Variants in ZRANB3 observed in about 807,000 individuals in gnomAD.
ZRANB3 encodes the protein zinc finger RANBP2-type containing 3.
A neutral mutation model predicts 133.8 loss-of-function variants in ZRANB3; 125 were observed. The observed-to-expected ratio is 0.93, with a 90% CI of 0.81 to 1.08. The LOEUF (loss-of-function observed/expected upper bound fraction) is 1.08, where lower values mean the gene tolerates loss of function less well. Ranked by LOEUF, ZRANB3 falls within the 50% of genes least tolerant of loss-of-function variation. The pLI is 0.00. For missense variants in ZRANB3, 1,229 were observed against 1,275.5 expected, an observed-to-expected ratio of 0.96 and a Z score of 0.56; for synonymous variants, 387 against 432.7, an observed-to-expected ratio of 0.89 and a Z score of 1.31.
Position 135,198,631 on chromosome 2 carries a change from CA to C in ZRANB3, c.*1710del, listed in dbSNP as rs1280373905. ...ATTTGACCTACTTAGACCTCGCTTG[CA>C]AAACCCCATGCTGGAGGAAAGGCAG... On this transcript the variant is annotated 3_prime_UTR_variant, in exon 21 of 21. Transcript: ENST00000264159. 4 of 152,194 alleles carry C rather than the reference CA, an allele frequency of 2.6e-5. No individual in the cohort carries two copies. Among genetic ancestry groups the C allele is most frequent in the Non-Finnish European group, 4.4e-5 (3 of 68,042 alleles). 9.4% of individuals were successfully genotyped at this position (152,194 alleles called of 1,614,324 possible).
At chr2:135,336,509 G>C in intron 6 of ZRANB3, among the ~76,000 whole-genome samples, 1 of 152,004 alleles carries the variant, frequency 6.6e-6, no homozygotes, top group Non-Finnish European at 1.5e-5. Flanking sequence ...AGCTGAGTTA[G>C]AGTCTATGGA....
At chr2:135,253,227 G>A (rs11887965) in intron 12 of ZRANB3, among the ~76,000 whole-genome samples, 9,345 of 152,234 alleles carry the variant, frequency 0.061, 570 homozygotes, top group African/African-American at 0.16. Context: ...GGTGGTGGTA[G>A]GGCCTGCCAA....
At chr2:135,225,514 T>C (rs1000785947) in intron 14 of ZRANB3, among the ~76,000 whole-genome samples, 5 of 152,220 alleles carry the variant, frequency 3.3e-5, no homozygotes, top group Admixed American at 1.3e-4. Context: ...ATAACAACAA[T>C]GGCATTTTAC....
In ZRANB3 at chr2:135,200,364, G is replaced by A; in HGVS notation, c.3218C>T (p.Thr1073Ile). ...ACTTTACTTCTTTACCAAAAATCGT[G>A]TGATGTCTGATCCATGCTTTGATGC... ...SLASKHGSDI[T>I]RFLVKK Residue 1073 changes from threonine (T) to isoleucine (I), a missense_variant, in exon 21 of 21, where the codon ACA becomes ATA. Coordinates refer to ENST00000264159, the MANE Select transcript of ZRANB3 (RefSeq NM_032143.4). 1 of 1,603,084 alleles carries A rather than the reference G, an allele frequency of 6.2e-7. No individual in the cohort carries two copies. The highest frequency in any genetic ancestry group is 8.5e-7 in the Non-Finnish European group (1 of 1,174,284).
chr2:135,497,582 A>G (rs1301147602), intron 2 of ZRANB3, among the ~76,000 whole-genome samples: 1 of 152,266 alleles, frequency 6.6e-6, no homozygotes, highest in Non-Finnish European at 1.5e-5. Flanking sequence ...AACAGTACAC[A>G]TAAAGAATAT....
intron 2 of ZRANB3, among the ~76,000 whole-genome samples, chr2:135,493,204 G>A (rs538401117): frequency 3.1e-5 from 4 of 127,758 alleles, no homozygotes; most frequent in Admixed American, 8.4e-5. Flanking sequence ...AAAGCTTCCC[G>A]AAGAAAACAG....
At position 135,207,563 on chromosome 2, in the gene ZRANB3, A is replaced by T; in HGVS notation, c.2880T>A (p.Thr960=). The part of the protein sequence containing the change: ...NSYLRAKVFE[T]EHGVCQLCNV... ...TACAGAGCTGACACACACCATGTTC[A>T]GTTTCAAATACTTTGGCTCTCAGGT... Residue 960 remains threonine, a synonymous_variant, in exon 19 of 21, where the codon ACT becomes ACA. Transcript: ENST00000264159. 6.2e-7 allele frequency: 1 copy of T among 1,614,050 alleles called. No individual in the cohort carries two copies. The highest frequency in any genetic ancestry group is 8.5e-7 in the Non-Finnish European group (1 of 1,179,894).
At chr2:135,277,446 C>T (rs115128424) in intron 8 of ZRANB3, among the ~76,000 whole-genome samples, 2,317 of 151,960 alleles carry the variant, frequency 0.015, 51 homozygotes, top group African/African-American at 0.052. Flanking sequence ...CATGTATGAA[C>T]GGATCACATA....
intron 1 of ZRANB3, chr2:135,511,477 C>T (rs879180526): frequency 1.2e-6 from 1 of 859,560 alleles, no homozygotes. Flanking sequence ...CTTTTCTTCA[C>T]GTTCCTCTAC....
Position 135,409,606 on chromosome 2 carries a change from C to T in ZRANB3, c.162-18786G>A, listed in dbSNP as rs977262110. On this transcript the variant is annotated intron_variant, in intron 2 of 20. Transcript: ENST00000264159. ...ACTAAGATGTCTACTTTCACCACTCCCATTCAACACAGAACTGGAAGTCCC... is the reference window on the plus strand; with the variant it reads ...ACTAAGATGTCTACTTTCACCACTCTCATTCAACACAGAACTGGAAGTCCC... 4.6e-5 allele frequency among the ~76,000 whole-genome samples: 7 copies of T among 151,992 alleles called. No homozygotes were observed. The East Asian group carries it at 1.2e-3, about 25-fold the overall frequency.
Position 135,417,279 on chromosome 2 carries a change from C to A in ZRANB3, c.162-26459G>T, listed in dbSNP as rs536522036. ...AAATTTACAAGAAAAAAACAAACAA[C>A]CCCATCAAAAAGTGGGCAAAGGATA... On this transcript the variant is annotated intron_variant, in intron 2 of 20. Transcript: ENST00000264159. Among the ~76,000 whole-genome samples, 3 of 152,118 alleles carry A rather than the reference C, an allele frequency of 2.0e-5. 1 individual carries two copies. Among genetic ancestry groups the A allele is most frequent in the Admixed American group, 2.0e-4 (3 of 15,276 alleles).
Position 135,360,297 on chromosome 2 carries a change from C to T in ZRANB3, c.181-6669G>A, listed in dbSNP as rs948912538. Among the ~76,000 whole-genome samples, 5 of 152,150 alleles carry T rather than the reference C, an allele frequency of 3.3e-5. No individual in the cohort carries two copies. The East Asian group carries it at 7.7e-4, about 24-fold the overall frequency. ...TCGGGAGGCTGAGGCAGGAGAATTG[C>T]TTGAACAGGGGAGGCGGAGGTTGCA... On this transcript the variant is annotated intron_variant, in intron 3 of 20. Coordinates refer to ENST00000264159, the MANE Select transcript of ZRANB3 (RefSeq NM_032143.4).
At chr2:135,498,196 G>A (rs1692768440) in intron 2 of ZRANB3, among the ~76,000 whole-genome samples, 1 of 152,130 alleles carries the variant, frequency 6.6e-6, no homozygotes, top group Admixed American at 6.5e-5. Context: ...AGCTTTTAGA[G>A]GAAAACACAG....
chr2:135,201,150 C>G (rs1017700523), intron 20 of ZRANB3, among the ~76,000 whole-genome samples: 1 of 152,146 alleles, frequency 6.6e-6, no homozygotes, highest in Non-Finnish European at 1.5e-5. Flanking sequence ...TAGACCAGAA[C>G]TGGATTCTTC....
chr2:135,327,571 G>A (rs183509165), intron 6 of ZRANB3, among the ~76,000 whole-genome samples: 7 of 152,142 alleles, frequency 4.6e-5, no homozygotes, highest in Admixed American at 1.3e-4. Context: ...ATATAAAACT[G>A]GACACTGAAT....
intron 2 of ZRANB3, among the ~76,000 whole-genome samples, chr2:135,425,763 C>A (rs1302823380): frequency 6.6e-6 from 1 of 151,754 alleles, no homozygotes; most frequent in African/African-American, 2.4e-5. Flanking sequence ...AATAAACAAC[C>A]TAACATCACA....
intron 6 of ZRANB3, among the ~76,000 whole-genome samples, chr2:135,326,608 A>C (rs1210253404): frequency 6.6e-6 from 1 of 151,972 alleles, no homozygotes; most frequent in African/African-American, 2.4e-5. Flanking sequence ...AATTATTTTT[A>C]AGAACAGTCC....
chr2:135,377,526 C>A (rs776101233), intron 3 of ZRANB3, among the ~76,000 whole-genome samples: 28 of 151,974 alleles, frequency 1.8e-4, no homozygotes, highest in Non-Finnish European at 2.9e-4. Flanking sequence ...CAAACCAAAA[C>A]AAAAAACTTC....
chr2:135,390,241 A>C (rs1172685155), intron 3 of ZRANB3, among the ~76,000 whole-genome samples: 4 of 152,152 alleles, frequency 2.6e-5, no homozygotes, highest in African/African-American at 9.7e-5. Flanking sequence ...ACGGTTGTTA[A>C]AAATTAGAAC....
Sources: allele counts gnomAD v4.1 joint callset (sites outside exome capture counted in the v4.1 genomes callset), GRCh38; gene constraint gnomAD v4.1.1; transcripts MANE v1.5; gene names NCBI Gene and HGNC (gene_info 2026-07-23, HGNC 2026-07-21).